Variants in GPC5 observed in about 807,000 individuals in gnomAD.
GPC5 encodes the protein glypican 5.
In GPC5, 47 loss-of-function variants were observed where a neutral mutation model predicts 53.9. The observed-to-expected ratio is 0.87, with a 90% CI of 0.69 to 1.11. The LOEUF is 1.11. Among genes scored for constraint, GPC5 ranks in the 50% most tolerant of loss-of-function variants. GPC5 has a pLI of 0.00. For missense variants in GPC5, 748 were observed against 713.1 expected (o/e 1.05, Z -0.56); for synonymous variants, 286 against 263.3 (o/e 1.09, Z -0.84).
At chr13:91,990,208 C>A (rs1010894238) in intron 6 of GPC5, among the ~76,000 whole-genome samples, 2 of 152,166 alleles carry the variant, frequency 1.3e-5, no homozygotes, top group African/African-American at 2.4e-5. Context: ...AAGTTAAACT[C>A]TTTGGTTGCA....
intron 7 of GPC5, among the ~76,000 whole-genome samples, chr13:92,566,379 T>A (rs1350260311): frequency 6.6e-6 from 1 of 152,122 alleles, no homozygotes; most frequent in Non-Finnish European, 1.5e-5. Context: ...AAATTACATT[T>A]TAATATCTTT....
chr13:92,398,746 G>A (rs1047803539), intron 7 of GPC5, among the ~76,000 whole-genome samples: 75 of 151,964 alleles, frequency 4.9e-4, no homozygotes, highest in African/African-American at 1.6e-3. Flanking sequence ...TTATTTCTTC[G>A]AATAAAACCT....
At chr13:92,037,829 A>G (rs2040905974) in intron 6 of GPC5, among the ~76,000 whole-genome samples, 1 of 152,166 alleles carries the variant, frequency 6.6e-6, no homozygotes, top group African/African-American at 2.4e-5. Context: ...AGGTGTTTAT[A>G]TTAATTTTGG....
intron 2 of GPC5, among the ~76,000 whole-genome samples, chr13:91,562,879 C>G (rs1053408518): frequency 6.6e-6 from 1 of 151,928 alleles, no homozygotes; most frequent in Non-Finnish European, 1.5e-5. Flanking sequence ...AAACTTGTCT[C>G]TAAACCATCT....
intron 7 of GPC5, among the ~76,000 whole-genome samples, chr13:92,600,520 G>A (rs983041969): frequency 1.3e-5 from 2 of 150,974 alleles, no homozygotes; most frequent in Admixed American, 6.6e-5. Flanking sequence ...TCTTTAAGAC[G>A]GAATTTCGCT....
chr13:91,836,060 G>A (rs751913513), intron 5 of GPC5, among the ~76,000 whole-genome samples: 1 of 151,944 alleles, frequency 6.6e-6, no homozygotes, highest in Non-Finnish European at 1.5e-5. Flanking sequence ...CATTTAATGT[G>A]ATGGTGTGGG....
chr13:91,618,000 C>G (rs571829818), intron 2 of GPC5, among the ~76,000 whole-genome samples: 3 of 152,152 alleles, frequency 2.0e-5, no homozygotes, highest in Non-Finnish European at 4.4e-5. Flanking sequence ...ATTTTTGCTC[C>G]AGCCACTGAA....
chr13:92,242,593 TTAAAAAATATATAAAA>T (rs1327447181), intron 7 of GPC5, among the ~76,000 whole-genome samples: 17 of 152,058 alleles, frequency 1.1e-4, no homozygotes, highest in African/African-American at 4.1e-4. Context: ...ATTAAAAAAA[TTAAAAAATATATAAAA>T]TAAAGAAAGA....
At chr13:91,683,126 A>G (rs534264885) in intron 2 of GPC5, among the ~76,000 whole-genome samples, 2 of 152,204 alleles carry the variant, frequency 1.3e-5, no homozygotes, top group Non-Finnish European at 2.9e-5. Context: ...GGTCCTAATA[A>G]TCACATGAAT....
At chr13:92,558,935 T>C (rs1882598111) in intron 7 of GPC5, among the ~76,000 whole-genome samples, 1 of 151,940 alleles carries the variant, frequency 6.6e-6, no homozygotes. Flanking sequence ...CACATCAGAT[T>C]TCTAGAAAGT....
intron 6 of GPC5, among the ~76,000 whole-genome samples, chr13:91,930,495 C>T (rs2039810932): frequency 1.3e-5 from 2 of 151,940 alleles, no homozygotes; most frequent in East Asian, 1.9e-4. Flanking sequence ...GTCCCAAATT[C>T]TACCGTAGAT....
chr13:91,564,249 T>C (rs2031425396), intron 2 of GPC5, among the ~76,000 whole-genome samples: 1 of 152,148 alleles, frequency 6.6e-6, no homozygotes, highest in South Asian at 2.1e-4. Context: ...TAAGTGACAA[T>C]ATATTAATAC....
At chr13:92,657,589 T>TG (rs1479276482) in intron 7 of GPC5, among the ~76,000 whole-genome samples, 3 of 148,162 alleles carry the variant, frequency 2.0e-5, no homozygotes, top group South Asian at 2.1e-4. Context: ...GTTTTTTTTT[T>TG]TTTTTTTTTT....
At chr13:92,835,626 G>C (rs1758741964) in intron 7 of GPC5, among the ~76,000 whole-genome samples, 2 of 151,904 alleles carry the variant, frequency 1.3e-5, no homozygotes, top group African/African-American at 4.8e-5. Flanking sequence ...TTAATTTGTT[G>C]TCACTGTGTA....
At chr13:92,652,120 G>T (rs1885977522) in intron 7 of GPC5, among the ~76,000 whole-genome samples, 1 of 151,964 alleles carries the variant, frequency 6.6e-6, no homozygotes, top group Non-Finnish European at 1.5e-5. Flanking sequence ...TGGGCATAGG[G>T]TTTTTTTCTA....
intron 6 of GPC5, among the ~76,000 whole-genome samples, chr13:92,044,750 A>G (rs1208146696): frequency 6.6e-6 from 1 of 152,230 alleles, no homozygotes; most frequent in Non-Finnish European, 1.5e-5. Flanking sequence ...ACAAAATTTG[A>G]TCATACCAAA....
chr13:91,847,694 T>G (rs2038867979), intron 5 of GPC5, among the ~76,000 whole-genome samples: 1 of 152,208 alleles, frequency 6.6e-6, no homozygotes, highest in Admixed American at 6.5e-5. Flanking sequence ...CACCAGATTA[T>G]TTAGAAATAG....
chr13:91,431,354 G>A (rs1879431267), intron 1 of GPC5, among the ~76,000 whole-genome samples: 1 of 152,038 alleles, frequency 6.6e-6, no homozygotes, highest in East Asian at 1.9e-4. Flanking sequence ...GTATTTCAGG[G>A]TTCCTAGATC....
chr13:92,694,634 T>G (rs1276613355), intron 7 of GPC5, among the ~76,000 whole-genome samples: 1 of 152,224 alleles, frequency 6.6e-6, no homozygotes, highest in Non-Finnish European at 1.5e-5. Flanking sequence ...CCACATTGCA[T>G]CCTAGAAGTA....
Sources: gnomAD v4.1 joint callset for allele counts (sites outside exome capture counted in the v4.1 genomes callset) on GRCh38, gnomAD v4.1.1 for gene constraint, MANE v1.5 for transcripts, NCBI Gene and HGNC (gene_info 2026-07-23, HGNC 2026-07-21) for gene names.